FHIP1B: variants seen among roughly 807,000 people sequenced by gnomAD.
FHIP1B encodes the protein FHF complex subunit HOOK-interacting protein 1B.
FHIP1B carries 28 observed loss-of-function variants against 82.2 expected under a neutral mutation model. The ratio of observed to expected loss-of-function variants is 0.34; its 90% CI spans 0.25 to 0.47. FHIP1B has a LOEUF of 0.47. Among genes scored for constraint, FHIP1B ranks in the 20% least tolerant of loss-of-function variants. The probability of loss-of-function intolerance (pLI) is 1.00; values close to 1 mark genes in which losing one functional copy is unlikely to be tolerated. For synonymous variants in FHIP1B, 585 were observed against 516.1 expected, an observed-to-expected ratio of 1.13 and a Z score of -1.81; for missense variants, 1,110 against 1,262.6, an observed-to-expected ratio of 0.88 and a Z score of 1.83.
At chr11:6,225,463 T>A (rs1847537643) in intron 1 of FHIP1B, among the ~76,000 whole-genome samples, 1 of 152,238 alleles carries the variant, frequency 6.6e-6, no homozygotes, top group African/African-American at 2.4e-5. Flanking sequence ...AGCTTCCTAA[T>A]CCTTTCTTCT....
chr11:6,214,921 G>A lies in FHIP1B; in HGVS notation c.2216-10C>T, dbSNP rs374437866. ...ACAGCCATGAAGGGGCCTGGGTTGG[G>A]GGGGAGGTGGGCACAAGGATACAAA... On this transcript the variant is annotated splice_polypyrimidine_tract_variant and intron_variant, in intron 9 of 11. Coordinates refer to ENST00000449352, the MANE Select transcript of FHIP1B (RefSeq NM_001098794.2). 1.3e-6 allele frequency: 2 copies of A among 1,541,320 alleles called. No individual in the cohort carries two copies. Among genetic ancestry groups the A allele is most frequent in the Non-Finnish European group, 8.8e-7 (1 of 1,142,106 alleles).
In FHIP1B at chr11:6,224,591, G is replaced by C. The variant is rs1408890367; in HGVS notation, c.-75C>G. On this transcript the variant is annotated 5_prime_UTR_variant, in exon 2 of 12. Coordinates refer to ENST00000449352, the MANE Select transcript of FHIP1B (RefSeq NM_001098794.2). The stretch of plus-strand genomic sequence containing the variant: ...TGCCAGCTGGAGGTTTTCTCCACTT[G>C]TGTCTCCAGTCTGCTTCATCCGGTC... 3 of 1,470,720 alleles carry C rather than the reference G, an allele frequency of 2.0e-6. No individual in the cohort carries two copies. The highest frequency in any genetic ancestry group is 2.7e-6 in the Non-Finnish European group (3 of 1,095,230). 91.1% of individuals were successfully genotyped at this position (1,470,720 alleles called of 1,614,324 possible). A position where few individuals can be genotyped will look rare whatever the true frequency, so the allele number is the denominator to read the frequency against.
rs148313206 is a variant in FHIP1B at position 6,222,243 on chromosome 11, T to C, written c.1191+199A>G. On this transcript the variant is annotated intron_variant, in intron 6 of 11. Transcript: ENST00000449352. Reference sequence around the variant, plus strand: ...AAGGTGACTGTGTTCTAGATTCATCTATCATAAAAGCAGGGGAGTAGATTA... The same window carrying C: ...AAGGTGACTGTGTTCTAGATTCATCCATCATAAAAGCAGGGGAGTAGATTA... Among the ~76,000 whole-genome samples, 409 of 152,346 alleles carry C rather than the reference T, an allele frequency of 2.7e-3. 1 individual carries two copies. The highest frequency in any genetic ancestry group is 9.3e-3 in the South Asian group (45 of 4,830).
In FHIP1B at chr11:6,212,556, G is replaced by A. The variant is rs567205065; in HGVS notation, c.2558-689C>T. Among the ~76,000 whole-genome samples, 15 of 152,246 alleles carry A rather than the reference G, an allele frequency of 9.9e-5. No homozygotes were observed. The South Asian group carries it at 1.5e-3, about 15-fold the overall frequency. ...CCAAAGCCTCTCTCCCACTGGTTGC[G>A]GCCAATTTCAAGTCAGCTTAGGCTC... On this transcript the variant is annotated intron_variant, in intron 11 of 11. Coordinates refer to ENST00000449352, the MANE Select transcript of FHIP1B (RefSeq NM_001098794.2).
intron 9 of FHIP1B, among the ~76,000 whole-genome samples, chr11:6,216,064 A>G (rs564413109): frequency 6.6e-5 from 10 of 152,244 alleles, no homozygotes; most frequent in Non-Finnish European, 1.5e-4. Context: ...TAAGTTTACC[A>G]AAGGAAAAAA....
At position 6,224,509 on chromosome 11, in the gene FHIP1B, C is replaced by T. The variant is rs758474416; in HGVS notation, c.8G>A (p.Arg3Lys). ...GGCCAGTCTGCTCAGCCAATTCATC[C>T]TCTCCATGAGGCAGGCTGGGCAGGA... MERMNWLSRLASR... is the reference protein window; with the variant it reads MEKMNWLSRLASR... Residue 3 changes from arginine to lysine, a missense_variant, in exon 2 of 12, where the codon AGG becomes AAG. Transcript: ENST00000449352. 2 of 1,612,044 alleles carry T rather than the reference C, an allele frequency of 1.2e-6. No homozygotes were observed. The highest frequency in any genetic ancestry group is 1.7e-6 in the Non-Finnish European group (2 of 1,178,952).
intron 1 of FHIP1B, among the ~76,000 whole-genome samples, chr11:6,227,160 T>C (rs971756545): frequency 6.6e-6 from 1 of 152,232 alleles, no homozygotes; most frequent in Non-Finnish European, 1.5e-5. Flanking sequence ...AATTGAATGC[T>C]GAATTAATAA....
Position 6,217,607 on chromosome 11 carries a change from A to C in FHIP1B, c.1979T>G (p.Leu660Arg). ...CATGCCCTCGGAGATGCCCTCTAGC[A>C]GTTCCCCAGCTCCCTCCTTTGGCAC... Reference protein sequence around the residue: ...RLVPKEGAGELLEGISEGMAG... With the variant: ...RLVPKEGAGERLEGISEGMAG... Residue 660 changes from leucine to arginine, a missense_variant, in exon 9 of 12, where the codon CTG (leucine) becomes CGG (arginine). By Grantham distance (102) the Leu-to-Arg change is moderately radical (BLOSUM62 -2). Around this residue, in one of 6 missense-constraint regions of FHIP1B, gnomAD observed 418 missense variants for 371.4 expected, o/e 1.13. Transcript: ENST00000449352. 6.2e-7 allele frequency: 1 copy of C among 1,613,696 alleles called. No individual in the cohort carries two copies. Among genetic ancestry groups the C allele is most frequent in the Non-Finnish European group, 8.5e-7 (1 of 1,179,848 alleles).
At position 6,223,574 on chromosome 11, in the gene FHIP1B, C is replaced by G. The variant is rs371854371; in HGVS notation, c.777+36G>C. 55 of 1,549,230 alleles carry G rather than the reference C, an allele frequency of 3.6e-5. No individual in the cohort carries two copies. Among genetic ancestry groups the G allele is most frequent in the Non-Finnish European group, 5.2e-6 (6 of 1,148,544 alleles). On this transcript the variant is annotated intron_variant, in intron 3 of 11. Coordinates refer to ENST00000449352, the MANE Select transcript of FHIP1B (RefSeq NM_001098794.2). This position sits in a 1 kb window ranked among gnomAD's most constrained non-coding sequence, Gnocchi z 4.8. ...AGGAAGGTGCTGTTCAGTATCTACACACCACACCCTACCCTCCAAGCCAGG... is the reference window on the plus strand; with the variant it reads ...AGGAAGGTGCTGTTCAGTATCTACAGACCACACCCTACCCTCCAAGCCAGG...
intron 7 of FHIP1B, 35 bp downstream of exon 7, chr11:6,218,936 G>A (rs1294056703): frequency 2.5e-6 from 4 of 1,605,788 alleles, no homozygotes; most frequent in Non-Finnish European, 2.6e-6. Context: ...GAGGCTTCAG[G>A]GTCAGCCATC....
chr11:6,224,191 G>T lies in FHIP1B; in HGVS notation c.196C>A (p.Leu66Ile). Reference protein sequence around the residue: ...PRAAPGGADDLSAVRNHTYQM... With the variant: ...PRAAPGGADDISAVRNHTYQM... ...TAAGTGTGGTTGCGCACAGCACTGA[G>T]ATCGTCTGCACCCCCAGGAGCTGCC... Residue 66 changes from leucine (L) to isoleucine (I), a missense_variant, in exon 3 of 12, where the codon CTC becomes ATC. Physicochemically the swap from Leu to Ile is conservative, Grantham distance 5. This residue lies in a region of FHIP1B where 467 missense variants were observed against 602.9 expected (regional missense o/e 0.77). Coordinates refer to ENST00000449352, the MANE Select transcript of FHIP1B (RefSeq NM_001098794.2). The T allele has an allele frequency of 1.9e-6, 3 of 1,613,176 alleles. No individual in the cohort carries two copies. Among genetic ancestry groups the T allele is most frequent in the Non-Finnish European group, 2.5e-6 (3 of 1,179,500 alleles).
intron 1 of FHIP1B, among the ~76,000 whole-genome samples, chr11:6,225,764 C>T (rs1465078366): frequency 2.0e-5 from 3 of 152,122 alleles, no homozygotes; most frequent in Non-Finnish European, 2.9e-5. Flanking sequence ...TACCCAGTGA[C>T]CTATGGGAGA....
At position 6,217,521 on chromosome 11, in the gene FHIP1B, C is replaced by T. The variant is rs764741733; in HGVS notation, c.2065G>A (p.Gly689Arg). 6.2e-7 allele frequency: 1 copy of T among 1,611,494 alleles called. No homozygotes were observed. Among genetic ancestry groups the T allele is most frequent in the Non-Finnish European group, 8.5e-7 (1 of 1,178,346 alleles). Residue 689 changes from glycine to arginine, a missense_variant, in exon 9 of 12, where the codon GGA becomes AGA. Transcript: ENST00000449352. ...RELEVALSNG[G>R]TGSESPLEPP... The stretch of plus-strand genomic sequence containing the variant: ...TCTAAGGGGGACTCTGAGCCAGTTC[C>T]CCCATTGCTCAATGCCACCTCTAGC...
In FHIP1B at chr11:6,214,720, A is replaced by C; in HGVS notation, c.2394+13T>G. 6.4e-7 allele frequency: 1 copy of C among 1,562,402 alleles called. No homozygotes were observed. The highest frequency in any genetic ancestry group is 8.7e-7 in the Non-Finnish European group (1 of 1,150,810). ...GGAGCCTGGACGCACCCATGCATGC[A>C]TGCATCGCACACCTGCAGCAGGGAC... On this transcript the variant is annotated intron_variant, in intron 10 of 11. Transcript: ENST00000449352.
Position 6,219,055 on chromosome 11 carries a change from G to C in FHIP1B, c.1192-5C>G, listed in dbSNP as rs773850615. The C allele has an allele frequency of 5.0e-6, 8 of 1,608,864 alleles. No individual in the cohort carries two copies. In the Admixed American group the frequency reaches 8.4e-5, roughly 17 times the overall value. ...ACTCAGAGAGACCATGCAGAGCTGG[G>C]GGGGTGGAGGGGAGGGAGGGAGTCA... On this transcript the variant is annotated splice_region_variant and splice_polypyrimidine_tract_variant and intron_variant, in intron 6 of 11. Transcript: ENST00000449352.
At position 6,211,758 on chromosome 11, in the gene FHIP1B, T is replaced by G. The variant is rs778305686; in HGVS notation, c.2667A>C (p.Ala889=). 1 of 1,614,230 alleles carries G rather than the reference T, an allele frequency of 6.2e-7. No individual in the cohort carries two copies. The highest frequency in any genetic ancestry group is 1.1e-5 in the South Asian group (1 of 91,088). ...QLVLQPGRDG[A]GLGLSGGSPG... is the part of the protein sequence containing the mutation. ...GGGAGCCCCCACTTAGGCCAAGTCC[T>G]GCTCCGTCTCGCCCAGGCTGAAGGA... is the stretch of plus-strand genomic sequence containing the variant. The change falls in exon 12 of 12, where the codon GCA becomes GCC. Residue 889 remains alanine, a synonymous_variant. Transcript: ENST00000449352.
chr11:6,223,663 C>T lies in FHIP1B; in HGVS notation c.724G>A (p.Ala242Thr). 2 of 1,611,774 alleles carry T rather than the reference C, an allele frequency of 1.2e-6. No individual in the cohort carries two copies. Among genetic ancestry groups the T allele is most frequent in the South Asian group, 1.1e-5 (1 of 90,898 alleles). ...TAGCGGCCCACAGTGGGGCTCCCAG[C>T]TGACAAAGCCATGAGAAGAAGTAGG... ...DALLLLMALSAGSPTVGRYIA... is the reference protein window; with the variant it reads ...DALLLLMALSTGSPTVGRYIA... Residue 242 changes from alanine (A) to threonine (T), a missense_variant, in exon 3 of 12, where the codon GCT (alanine) becomes ACT (threonine). This residue lies in a region of FHIP1B where 467 missense variants were observed against 602.9 expected (regional missense o/e 0.77). Transcript: ENST00000449352. This position sits in a 1 kb window ranked among gnomAD's most constrained non-coding sequence, Gnocchi z 4.8.
Position 6,223,075 on chromosome 11 carries a change from C to A in FHIP1B, c.936+5G>T. ...AATGACCAAGGGCCAGACTTTCAGTCCTACCTGAATTACTGCATTGCAGAA... is the reference window on the plus strand; with the variant it reads ...AATGACCAAGGGCCAGACTTTCAGTACTACCTGAATTACTGCATTGCAGAA... On this transcript the variant is annotated splice_donor_5th_base_variant and intron_variant, in intron 4 of 11. Coordinates refer to ENST00000449352, the MANE Select transcript of FHIP1B (RefSeq NM_001098794.2). This position sits in a 1 kb window ranked among gnomAD's most constrained non-coding sequence, Gnocchi z 4.8. 3 of 1,577,728 alleles carry A rather than the reference C, an allele frequency of 1.9e-6. No homozygotes were observed. Among genetic ancestry groups the A allele is most frequent in the African/African-American group, 1.4e-5 (1 of 73,056 alleles).
chr11:6,213,204 T>G (rs549489831), intron 11 of FHIP1B, among the ~76,000 whole-genome samples: 2 of 152,328 alleles, frequency 1.3e-5, no homozygotes, highest in South Asian at 4.1e-4. Context: ...TTCACAGCTG[T>G]GCAGTAACTT....
Sources: gnomAD v4.1 joint callset for allele counts (sites outside exome capture counted in the v4.1 genomes callset) on GRCh38, gnomAD v4.1.1 for gene constraint, gnomAD v4.1.1 regional missense constraint, Gnocchi (gnomAD v3.1) non-coding constraint, MANE v1.5 for transcripts, NCBI Gene and HGNC (gene_info 2026-07-23, HGNC 2026-07-21) for gene names.